Variants in PVALB observed in about 807,000 individuals in gnomAD.
PVALB encodes the protein parvalbumin alpha.
In PVALB, 11 loss-of-function variants were observed where a neutral mutation model predicts 10.9. That is an observed-to-expected ratio of 1.01 (90% CI 0.63 to 1.67). The LOEUF (loss-of-function observed/expected upper bound fraction) is 1.67, where lower values mean the gene tolerates loss of function less well. PVALB is among the 40% of genes most tolerant of loss of function. The pLI is 0.00. For synonymous variants in PVALB, 57 were observed against 50.7 expected (o/e 1.12, Z -0.53); for missense variants, 131 against 136.2 (o/e 0.96, Z 0.19).
chr22:36,813,522 C>T lies in PVALB; in HGVS notation c.304+124G>A. 4 of 758,922 alleles carry T rather than the reference C, an allele frequency of 5.3e-6. No homozygotes were observed. In the Admixed American group the frequency reaches 6.6e-5, roughly 13 times the overall value. The allele number at this position is 758,922 out of a possible 1,614,324, so 47.0% of individuals were successfully genotyped here. ...GACCTAATGGACTGCTTTTTGTCTTCTAATCTGGGGGAGTGAGGGACCCCC... is the reference window on the plus strand; with the variant it reads ...GACCTAATGGACTGCTTTTTGTCTTTTAATCTGGGGGAGTGAGGGACCCCC... On this transcript the variant is annotated intron_variant, in intron 3 of 3. Coordinates refer to ENST00000417718, the MANE Select transcript of PVALB (RefSeq NM_001315532.2).
chr22:36,801,005 G>A, intron 3 of PVALB, 87 bp from the exon 4 acceptor site: 1 of 1,334,750 alleles, frequency 7.5e-7, no homozygotes, highest in Non-Finnish European at 1.1e-6. Flanking sequence ...CCTGGGTGGT[G>A]CTCTCTCTGG....
chr22:36,807,725 C>T lies in PVALB; in HGVS notation c.304+5921G>A, dbSNP rs1938975500. On this transcript the variant is annotated intron_variant, in intron 3 of 3. Transcript: ENST00000417718. ...GGAAAAGATACAGCCATTCCCACGG[C>T]TGATCCCCAGCATTTGGCTTTCTAA... Among the ~76,000 whole-genome samples, 6 of 152,186 alleles carry T rather than the reference C, an allele frequency of 3.9e-5. No individual in the cohort carries two copies. In the South Asian group the frequency reaches 1.2e-3, roughly 31 times the overall value.
intron 3 of PVALB, among the ~76,000 whole-genome samples, chr22:36,802,893 C>T (rs1193521261): frequency 2.0e-5 from 3 of 152,110 alleles, no homozygotes; most frequent in Non-Finnish European, 4.4e-5. Context: ...ACCAAAACAA[C>T]AAATACTCGT....
At chr22:36,804,584 C>T (rs573146176) in intron 3 of PVALB, among the ~76,000 whole-genome samples, 13 of 152,332 alleles carry the variant, frequency 8.5e-5, no homozygotes, top group African/African-American at 2.9e-4. Flanking sequence ...AGCCAATTAA[C>T]GAACAGGTCT....
At chr22:36,814,203 G>GGAGGA (rs1218475311) in intron 2 of PVALB, among the ~76,000 whole-genome samples, 1 of 152,134 alleles carries the variant, frequency 6.6e-6, no homozygotes, top group African/African-American at 2.4e-5. Flanking sequence ...TGCGGTGAGG[G>GGAGGA]GAGGAGAGGG....
chr22:36,817,211 GA>G (rs1412629615), upstream of PVALB: 1 of 382,254 alleles, frequency 2.6e-6, no homozygotes, highest in Non-Finnish European at 4.6e-6. Flanking sequence ...CCGCCGGCAA[GA>G]AGGCGCGCGG....
chr22:36,800,959 G>T, intron 3 of PVALB, 41 bp from the exon 4 acceptor site: 2 of 1,584,322 alleles, frequency 1.3e-6, no homozygotes, highest in Non-Finnish European at 1.7e-6. Context: ...CAGAGGCGGG[G>T]ATGCAAGAGA....
chr22:36,819,211 C>T (rs182091993), upstream of PVALB, among the ~76,000 whole-genome samples: 553 of 151,998 alleles, frequency 3.6e-3, 1 homozygote, highest in Non-Finnish European at 5.4e-3. Context: ...CCACGGGGGG[C>T]GGTGGGTGGG....
At chr22:36,805,173 C>T (rs542046628) in intron 3 of PVALB, among the ~76,000 whole-genome samples, 7 of 152,248 alleles carry the variant, frequency 4.6e-5, no homozygotes, top group South Asian at 2.1e-4. Context: ...AGCTGTCACA[C>T]GGTGTTTGGA....
chr22:36,801,395 G>C (rs1441217629), intron 3 of PVALB, among the ~76,000 whole-genome samples: 2 of 152,210 alleles, frequency 1.3e-5, no homozygotes, highest in African/African-American at 4.8e-5. Context: ...CAGGAGATGA[G>C]AGAGGACAAG....
chr22:36,815,060 C>A (rs758159687), intron 2 of PVALB, 43 bp downstream of exon 2: 3 of 1,610,758 alleles, frequency 1.9e-6, no homozygotes, highest in South Asian at 2.2e-5. Flanking sequence ...CACTCCCTCT[C>A]GTGCAGCCGT....
At chr22:36,815,370 T>C (rs768872474) in intron 1 of PVALB, 135 bp from the exon 2 acceptor site, 53 of 1,253,480 alleles carry the variant, frequency 4.2e-5, no homozygotes, top group African/African-American at 7.4e-5. Context: ...CCCACCTCCA[T>C]TGGAGGGCTG....
chr22:36,806,478 G>A (rs1018253372), intron 3 of PVALB, among the ~76,000 whole-genome samples: 4 of 152,190 alleles, frequency 2.6e-5, no homozygotes, highest in African/African-American at 7.2e-5. Context: ...AGCAACACAC[G>A]CTGATGGCCC....
intron 1 of PVALB, chr22:36,815,539 A>C: frequency 2.8e-6 from 1 of 357,504 alleles, no homozygotes; most frequent in Non-Finnish European, 5.2e-6. Flanking sequence ...TAAGAACCAA[A>C]GGCTTTTGTT....
intron 3 of PVALB, among the ~76,000 whole-genome samples, chr22:36,803,831 G>A (rs2145945539): frequency 6.6e-6 from 1 of 152,270 alleles, no homozygotes; most frequent in East Asian, 1.9e-4. Flanking sequence ...TTATAGATGG[G>A]GAAATGGAGG....
At chr22:36,815,403 TAA>T in intron 1 of PVALB, 168 bp from the exon 2 acceptor site, 2 of 889,238 alleles carry the variant, frequency 2.2e-6, no homozygotes, top group East Asian at 5.4e-5. Flanking sequence ...CAAGGGAGGA[TAA>T]CCTGTCCAAG....
Position 36,811,423 on chromosome 22 carries a change from G to A in PVALB, c.304+2223C>T, listed in dbSNP as rs112120835. ...GAGGAAGCTGGGGCTCAGGGCTAAG[G>A]AGTAGCTGCTCAGGGGCACCCAGTC... On this transcript the variant is annotated intron_variant, in intron 3 of 3. Coordinates refer to ENST00000417718, the MANE Select transcript of PVALB (RefSeq NM_001315532.2). 4.7e-5 allele frequency: 22 copies of A among 468,500 alleles called. 1 individual carries two copies. The highest frequency in any genetic ancestry group is 2.0e-4 in the African/African-American group (10 of 50,166). 29.0% of individuals were successfully genotyped at this position (468,500 alleles called of 1,614,324 possible). A position where few individuals can be genotyped will look rare whatever the true frequency, so the allele number is the denominator to read the frequency against.
chr22:36,806,331 G>T (rs1355604327), intron 3 of PVALB, among the ~76,000 whole-genome samples: 2 of 152,160 alleles, frequency 1.3e-5, no homozygotes, highest in Non-Finnish European at 2.9e-5. Context: ...GTGGGAAGGA[G>T]GCAGCAGAGG....
At chr22:36,803,356 A>G (rs191576886) in intron 3 of PVALB, among the ~76,000 whole-genome samples, 19 of 152,282 alleles carry the variant, frequency 1.2e-4, no homozygotes. Flanking sequence ...CTCTGAAATG[A>G]TCTTATTTAT....
Sources: allele counts gnomAD v4.1 joint callset (sites outside exome capture counted in the v4.1 genomes callset), GRCh38; gene constraint gnomAD v4.1.1; transcripts MANE v1.5; gene names NCBI Gene and HGNC (gene_info 2026-07-23, HGNC 2026-07-21).